Variants in DMBT1 observed in about 807,000 individuals in gnomAD.
The protein encoded by DMBT1 is scavenger receptor cysteine-rich domain-containing protein DMBT1.
In DMBT1, 198 loss-of-function variants were observed where a neutral mutation model predicts 252.9. The ratio of observed to expected loss-of-function variants is 0.78; its 90% CI spans 0.70 to 0.88. The LOEUF is 0.88. DMBT1 is among the 40% of genes least tolerant of loss of function. The probability of loss-of-function intolerance (pLI) is 0.00; values close to 1 mark genes in which losing one functional copy is unlikely to be tolerated. For missense variants in DMBT1, 2,432 were observed against 2,404.7 expected (o/e 1.01, Z -0.24); for synonymous variants, 990 against 942.7 (o/e 1.05, Z -0.92).
At position 122,630,420 on chromosome 10, in the gene DMBT1, C is replaced by T. The variant is rs1278122020; in HGVS notation, c.5955C>T (p.Thr1985=). 1.9e-5 allele frequency: 30 copies of T among 1,613,972 alleles called. No individual in the cohort carries two copies. Among genetic ancestry groups the T allele is most frequent in the Non-Finnish European group, 2.5e-5 (30 of 1,179,896 alleles). The stretch of plus-strand genomic sequence containing the variant: ...TTACATCTTCTTACAACCGAATGAC[C>T]ATTCACTTTCGAAGTGACATCAGTT... ...QIFTSSYNRM[T]IHFRSDISFQ... is the part of the protein sequence containing the mutation. Residue 1985 remains threonine (T), a synonymous_variant, in exon 48 of 56, where the codon ACC becomes ACT. Transcript: ENST00000338354.
At chr10:122,584,588 G>A (rs140022942) in intron 14 of DMBT1, among the ~76,000 whole-genome samples, 3,596 of 148,582 alleles carry the variant, frequency 0.024, 420 homozygotes, top group Non-Finnish European at 0.032. Context: ...TACTGTCCCA[G>A]TGGCCAACCC....
At chr10:122,577,233 C>A (rs949167739) in intron 7 of DMBT1, among the ~76,000 whole-genome samples, 7 of 152,190 alleles carry the variant, frequency 4.6e-5, no homozygotes, top group Non-Finnish European at 8.8e-5. Flanking sequence ...GTTGGTGAAG[C>A]CTTCCCTCCC....
intron 47 of DMBT1, 146 bp downstream of exon 47, chr10:122,630,139 A>AAG: frequency 7.3e-7 from 1 of 1,369,050 alleles, no homozygotes; most frequent in Non-Finnish European, 1.0e-6. Context: ...ATAAAGCATC[A>AAG]GGGAACACTG....
chr10:122,620,414 T>G (rs1034333277), intron 43 of DMBT1, 123 bp downstream of exon 43: 1 of 1,209,802 alleles, frequency 8.3e-7, no homozygotes, highest in African/African-American at 1.5e-5. Context: ...GCGAGTTGCC[T>G]GGGGAGGTAG....
rs1238763933 is a variant in DMBT1 at position 122,620,287 on chromosome 10, A to T, written c.5280A>T (p.Thr1760=). The change falls in exon 43 of 56, where the codon ACA becomes ACT. Residue 1760 remains threonine, a synonymous_variant. Transcript: ENST00000338354. ...TWLTTNLPAL[T]VGSESSLALR... is the part of the protein sequence containing the mutation. ...TGACCACCAACTTACCGGCATTGAC[A>T]GTAGGTAAATAATCCTCTCGCCCCT... is the stretch of plus-strand genomic sequence containing the variant. 9.9e-6 allele frequency: 16 copies of T among 1,613,998 alleles called. No individual in the cohort carries two copies. The highest frequency in any genetic ancestry group is 1.2e-5 in the Non-Finnish European group (14 of 1,179,882).
chr10:122,625,181 TTTCTAA>T (rs2098108792), intron 44 of DMBT1, 90 bp from the exon 45 acceptor site: 6 of 1,221,072 alleles, frequency 4.9e-6, no homozygotes. Flanking sequence ...TTGGGGAGCA[TTTCTAA>T]GTGATGAGAT....
Position 122,593,573 on chromosome 10 carries a change from C to T in DMBT1, c.2505C>T (p.Ser835=), listed in dbSNP as rs1276722962. Residue 835 remains serine, a synonymous_variant, in exon 21 of 56, where the codon TCC becomes TCT. Transcript: ENST00000338354. ...HEDAGVICSV[S]QSRPTPSPDT... Reference sequence around the variant, plus strand: ...CTTCTCTTCTCTTTCTCACAGTTTCCCAGTCCCGGCCGACACCCAGTCCAG... The same window carrying T: ...CTTCTCTTCTCTTTCTCACAGTTTCTCAGTCCCGGCCGACACCCAGTCCAG... 1.9e-6 allele frequency: 3 copies of T among 1,586,888 alleles called. No homozygotes were observed. The highest frequency in any genetic ancestry group is 1.7e-5 in the Admixed American group (1 of 59,402).
At chr10:122,575,706 G>A (rs1180066008) in intron 6 of DMBT1, among the ~76,000 whole-genome samples, 3 of 152,214 alleles carry the variant, frequency 2.0e-5, no homozygotes, top group Admixed American at 6.5e-5. Flanking sequence ...TAGGGAATGG[G>A]ATGGGAGGGA....
rs768116820 is a variant in DMBT1, at chr10:122,599,033, C to T, written c.3216C>T (p.Cys1072=). Residue 1072 remains cysteine, a synonymous_variant, in exon 26 of 56, where the codon TGC becomes TGT. Coordinates refer to ENST00000338354, the MANE Select transcript of DMBT1 (RefSeq NM_001377530.1). Reference sequence around the variant, plus strand: ...GACACGAGTCTTACCTGTGGAGCTGCCCCCACAATGGCTGGCTCTCCCACA... The same window carrying T: ...GACACGAGTCTTACCTGTGGAGCTGTCCCCACAATGGCTGGCTCTCCCACA... ...CSGHESYLWS[C]PHNGWLSHNC... is the part of the protein sequence containing the mutation. 2.5e-6 allele frequency: 4 copies of T among 1,613,726 alleles called. No homozygotes were observed. Among genetic ancestry groups the T allele is most frequent in the South Asian group, 2.2e-5 (2 of 91,068 alleles).
In DMBT1 at chr10:122,640,474, C is replaced by T. The variant is rs1381550201; in HGVS notation, c.7352+25C>T. The T allele has an allele frequency of 4.4e-6, 7 of 1,581,690 alleles. No homozygotes were observed. In the African/African-American group the frequency reaches 8.1e-5, roughly 18 times the overall value. On this transcript the variant is annotated intron_variant, in intron 55 of 55. Transcript: ENST00000338354. ...GGTAAGGAGTGTCTTTATGCGATGG[C>T]CTTAAACCTTTACTTGATAACTCAA...
In DMBT1 at chr10:122,619,305, C is replaced by T; in HGVS notation, c.5216-3C>T. On this transcript the variant is annotated splice_region_variant and splice_polypyrimidine_tract_variant and intron_variant, in intron 41 of 55. Transcript: ENST00000338354. ...ATCTGACCTTCTCTTCTCTTTCTCA[C>T]AGCTGCTCAGTCCCAGTCAACGCCC... The T allele has an allele frequency of 6.2e-7, 1 of 1,614,006 alleles. No homozygotes were observed. The highest frequency in any genetic ancestry group is 1.1e-5 in the South Asian group (1 of 91,086).
Position 122,588,945 on chromosome 10 carries a change from A to G in DMBT1, c.1785A>G (p.Gly595=). The G allele has an allele frequency of 6.3e-7, 1 of 1,587,596 alleles. No homozygotes were observed. Among genetic ancestry groups the G allele is most frequent in the South Asian group, 1.2e-5 (1 of 86,884 alleles). Residue 595 remains glycine (G), a splice_region_variant and synonymous_variant, in exon 17 of 56, where the codon GGA becomes GGG. Coordinates refer to ENST00000338354, the MANE Select transcript of DMBT1 (RefSeq NM_001377530.1). ...AAGGGTTCTTGTGTTCTCCTATAGG[A>G]CCTGAATCCAGTTTGGCCCTGAGGC... ...HSEDAGVICS[G]PESSLALRLV...
Position 122,641,616 on chromosome 10 carries a change from G to A in DMBT1, c.7352+1167G>A, listed in dbSNP as rs149519391. Among the ~76,000 whole-genome samples, 382 of 152,222 alleles carry A rather than the reference G, an allele frequency of 2.5e-3. 1 individual carries two copies. Among genetic ancestry groups the A allele is most frequent in the African/African-American group, 7.9e-3 (327 of 41,542 alleles). On this transcript the variant is annotated intron_variant, in intron 55 of 55. Coordinates refer to ENST00000338354, the MANE Select transcript of DMBT1 (RefSeq NM_001377530.1). ...GGGGAGAAAGCTTAACCAGATTCCC[G>A]TTGTACAAATAGTCATAAGGTGACT...
At chr10:122,625,862 A>T in intron 45 of DMBT1, 71 bp from the exon 46 acceptor site, 2 of 1,270,940 alleles carry the variant, frequency 1.6e-6, no homozygotes, top group Non-Finnish European at 2.3e-6. Flanking sequence ...TAACTTTGTC[A>T]GTCAAACAAA....
chr10:122,585,128 C>T lies in DMBT1; in HGVS notation c.1421-143C>T, dbSNP rs540290464. 4.7e-5 allele frequency: 53 copies of T among 1,123,510 alleles called. 5 individuals carry two copies. The highest frequency in any genetic ancestry group is 6.0e-5 in the Non-Finnish European group (46 of 762,458). 69.6% of individuals were successfully genotyped at this position (1,123,510 alleles called of 1,614,324 possible). On this transcript the variant is annotated intron_variant, in intron 14 of 55. Coordinates refer to ENST00000338354, the MANE Select transcript of DMBT1 (RefSeq NM_001377530.1). ...CTTGCTGAGCTTGCTGAGCTGCAGACTTGGGCAGACACATGGGGAGCAAAG... is the reference window on the plus strand; with the variant it reads ...CTTGCTGAGCTTGCTGAGCTGCAGATTTGGGCAGACACATGGGGAGCAAAG...
chr10:122,577,846 T>TC lies in DMBT1; in HGVS notation c.637+10dup, dbSNP rs763819834. On this transcript the variant is annotated splice_region_variant and intron_variant, in intron 8 of 55. Coordinates refer to ENST00000338354, the MANE Select transcript of DMBT1 (RefSeq NM_001377530.1). ...TCAGTCAACACTCAGGCCAGGTGAG[T>TC]CCCCAGAATCCTTCCTCGGGATACC... The TC allele has an allele frequency of 6.2e-7, 1 of 1,613,428 alleles. No individual in the cohort carries two copies. Among genetic ancestry groups the TC allele is most frequent in the Non-Finnish European group, 8.5e-7 (1 of 1,179,628 alleles).
chr10:122,629,526 A>G (rs577305696), intron 46 of DMBT1, among the ~76,000 whole-genome samples: 1 of 152,318 alleles, frequency 6.6e-6, no homozygotes, highest in African/African-American at 2.4e-5. Flanking sequence ...AGCTGATTGA[A>G]CAATGATAGC....
rs772806770 is a variant in DMBT1 at position 122,625,274 on chromosome 10, C to T, written c.5609-3C>T. On this transcript the variant is annotated splice_region_variant and splice_polypyrimidine_tract_variant and intron_variant, in intron 44 of 55. Coordinates refer to ENST00000338354, the MANE Select transcript of DMBT1 (RefSeq NM_001377530.1). ...GACTCATGTTTTCTTCTTTTCCTTG[C>T]AGCCACCCAAATAAATTCTACTACG... is the stretch of plus-strand genomic sequence containing the variant. 1.2e-6 allele frequency: 2 copies of T among 1,610,870 alleles called. No individual in the cohort carries two copies. The highest frequency in any genetic ancestry group is 1.1e-5 in the South Asian group (1 of 89,916).
intron 46 of DMBT1, among the ~76,000 whole-genome samples, chr10:122,627,191 C>CT (rs1202591101): frequency 6.6e-6 from 1 of 152,152 alleles, no homozygotes; most frequent in East Asian, 1.9e-4. Flanking sequence ...CCATGTCTGC[C>CT]TTTTTCATAA....
Sources: gnomAD v4.1 joint callset for allele counts (sites outside exome capture counted in the v4.1 genomes callset) on GRCh38, gnomAD v4.1.1 for gene constraint, MANE v1.5 for transcripts, NCBI Gene and HGNC (gene_info 2026-07-23, HGNC 2026-07-21) for gene names.